The following C8orf34 variants were observed in gnomAD, a reference collection of about 807,000 sequenced individuals.
The protein encoded by C8orf34 is uncharacterized protein C8orf34.
Under a neutral mutation model 68.3 loss-of-function variants are expected in C8orf34, and 65 were observed. The ratio of observed to expected loss-of-function variants is 0.95; its 90% CI spans 0.78 to 1.17. The LOEUF (loss-of-function observed/expected upper bound fraction) is 1.17. C8orf34 is among the 50% of genes most tolerant of loss of function. The pLI is 0.00. For missense variants in C8orf34, 664 were observed against 655.4 expected (o/e 1.01, Z -0.14); for synonymous variants, 244 against 241.2 (o/e 1.01, Z -0.11).
chr8:68,487,879 C>G, intron 4 of C8orf34, 144 bp from the exon 5 acceptor site: 1 of 550,552 alleles, frequency 1.8e-6, no homozygotes, highest in Non-Finnish European at 3.3e-6. Flanking sequence ...AAAGGATGTG[C>G]CACATTATTT....
At chr8:68,469,579 T>C (rs1455983343) in intron 4 of C8orf34, among the ~76,000 whole-genome samples, 1 of 152,084 alleles carries the variant, frequency 6.6e-6, no homozygotes, top group Non-Finnish European at 1.5e-5. Flanking sequence ...GTATACACTA[T>C]ATGGTTTTAG....
intron 1 of C8orf34, among the ~76,000 whole-genome samples, chr8:68,420,082 G>A (rs1487361805): frequency 6.6e-6 from 1 of 151,592 alleles, no homozygotes; most frequent in Non-Finnish European, 1.5e-5. Flanking sequence ...TGAGATCCAG[G>A]AGAAGATAGA....
Position 68,404,477 on chromosome 8 carries a change from C to T in C8orf34, c.328-35022C>T, listed in dbSNP as rs543653155. Among the ~76,000 whole-genome samples the T allele has an allele frequency of 7.2e-5, 11 of 151,998 alleles. No homozygotes were observed. In the South Asian group the frequency reaches 1.0e-3, roughly 14 times the overall value. The stretch of plus-strand genomic sequence containing the variant: ...GCCTATGTCCTGAATGGTATTGCCT[C>T]GGTTTTCTTCTAGGGTTTTTATGGT... On this transcript the variant is annotated intron_variant, in intron 1 of 13. Coordinates refer to ENST00000518698, the MANE Select transcript of C8orf34 (RefSeq NM_052958.4).
intron 1 of C8orf34, among the ~76,000 whole-genome samples, chr8:68,332,850 A>C (rs1432603753): frequency 1.3e-5 from 2 of 152,230 alleles, no homozygotes; most frequent in African/African-American, 4.8e-5. Context: ...AGAGCGAAAT[A>C]AAATTGATGG....
chr8:68,750,058 G>C (rs1442758728), intron 10 of C8orf34, among the ~76,000 whole-genome samples: 1 of 151,948 alleles, frequency 6.6e-6, no homozygotes, highest in Middle Eastern at 3.2e-3. Flanking sequence ...AATTCTTAAG[G>C]GAACAAAATT....
intron 8 of C8orf34, among the ~76,000 whole-genome samples, chr8:68,649,209 G>A (rs1018784749): frequency 6.6e-6 from 1 of 152,138 alleles, no homozygotes; most frequent in African/African-American, 2.4e-5. Context: ...TTTGAGTCAT[G>A]TATACAATGC....
intron 5 of C8orf34, among the ~76,000 whole-genome samples, chr8:68,489,534 C>G (rs1204714717): frequency 2.6e-5 from 4 of 152,084 alleles, no homozygotes; most frequent in African/African-American, 7.2e-5. Context: ...TACACATCAC[C>G]TGGAGATAAT....
At chr8:68,602,341 A>G (rs1276567888) in intron 7 of C8orf34, among the ~76,000 whole-genome samples, 1 of 152,124 alleles carries the variant, frequency 6.6e-6, no homozygotes, top group Non-Finnish European at 1.5e-5. Context: ...TAATTTGTAA[A>G]TGAAAAAGGT....
chr8:68,547,706 C>G (rs1015778071), intron 7 of C8orf34, among the ~76,000 whole-genome samples: 3 of 151,640 alleles, frequency 2.0e-5, no homozygotes, highest in African/African-American at 7.3e-5. Flanking sequence ...CATTCAAATT[C>G]TAAAGTTTAT....
At chr8:68,796,822 C>CTTTTT (rs372049123) in intron 12 of C8orf34, among the ~76,000 whole-genome samples, 11 of 122,872 alleles carry the variant, frequency 9.0e-5, no homozygotes, top group Non-Finnish European at 1.5e-4. Flanking sequence ...TTGAGTTCTT[C>CTTTTT]TTTTTTTTTT....
At chr8:68,783,699 A>G (rs1397906215) in intron 11 of C8orf34, among the ~76,000 whole-genome samples, 1 of 152,000 alleles carries the variant, frequency 6.6e-6, no homozygotes, top group African/African-American at 2.4e-5. Context: ...TGTACTTCTT[A>G]CATATATTGA....
At chr8:68,647,965 A>G (rs1819230062) in intron 8 of C8orf34, among the ~76,000 whole-genome samples, 1 of 152,212 alleles carries the variant, frequency 6.6e-6, no homozygotes, top group Non-Finnish European at 1.5e-5. Context: ...AAAATTTATA[A>G]AGAATCTAAT....
intron 8 of C8orf34, among the ~76,000 whole-genome samples, chr8:68,705,555 T>TAC: frequency 6.6e-6 from 1 of 152,130 alleles, no homozygotes; most frequent in East Asian, 1.9e-4. Context: ...ATAAGCTGTT[T>TAC]TCTCAGTGGT....
intron 10 of C8orf34, among the ~76,000 whole-genome samples, chr8:68,735,018 A>G (rs1414867538): frequency 6.6e-6 from 1 of 152,228 alleles, no homozygotes; most frequent in East Asian, 1.9e-4. Flanking sequence ...ATTTAAAATT[A>G]CACAACCCCT....
At chr8:68,783,142 G>A (rs375569612) in intron 11 of C8orf34, among the ~76,000 whole-genome samples, 23 of 151,958 alleles carry the variant, frequency 1.5e-4, no homozygotes, top group African/African-American at 5.3e-4. Flanking sequence ...AAAGGAAAAC[G>A]TGAGGGCCCC....
intron 4 of C8orf34, among the ~76,000 whole-genome samples, chr8:68,478,117 G>T (rs2129630833): frequency 6.6e-6 from 1 of 152,160 alleles, no homozygotes; most frequent in East Asian, 1.9e-4. Flanking sequence ...TTTCTTCCCA[G>T]AAAATGGGTT....
chr8:68,423,819 A>G (rs1810089655), intron 1 of C8orf34, among the ~76,000 whole-genome samples: 1 of 152,162 alleles, frequency 6.6e-6, no homozygotes, highest in Admixed American at 6.5e-5. Context: ...GAAACTTACA[A>G]TCATGGCAGA....
intron 10 of C8orf34, among the ~76,000 whole-genome samples, chr8:68,749,570 G>A (rs955920004): frequency 5.1e-4 from 40 of 78,350 alleles, no homozygotes; most frequent in African/African-American, 1.5e-3. Context: ...ACCCCAGCAA[G>A]ATTCCTCATG....
chr8:68,594,551 G>A (rs1449467085), intron 7 of C8orf34, among the ~76,000 whole-genome samples: 7 of 152,076 alleles, frequency 4.6e-5, no homozygotes, highest in Non-Finnish European at 1.0e-4. Flanking sequence ...CACCCAGGTA[G>A]TGAGCATAGC....
Sources: allele counts gnomAD v4.1 joint callset (sites outside exome capture counted in the v4.1 genomes callset), GRCh38; gene constraint gnomAD v4.1.1; transcripts MANE v1.5; gene names NCBI Gene and HGNC (gene_info 2026-07-23, HGNC 2026-07-21).